Variants in BEST3 observed in about 807,000 individuals in gnomAD.
The protein encoded by BEST3 is bestrophin 3.
In BEST3, 50 loss-of-function variants were observed where a neutral mutation model predicts 47.1. That is an observed-to-expected ratio of 1.06 (90% confidence interval 0.85 to 1.34). The LOEUF (loss-of-function observed/expected upper bound fraction) is 1.34, where lower values mean the gene tolerates loss of function less well. BEST3 is among the 40% of genes most tolerant of loss of function. BEST3 has a pLI of 0.00. For missense variants in BEST3, 765 were observed against 817.0 expected (o/e 0.94, Z 0.78); for synonymous variants, 282 against 298.8 (o/e 0.94, Z 0.58).
At chr12:69,690,276 C>A (rs902278180) in intron 4 of BEST3, among the ~76,000 whole-genome samples, 6 of 152,138 alleles carry the variant, frequency 3.9e-5, no homozygotes, top group Admixed American at 6.5e-5. Flanking sequence ...GGTAGCTGAG[C>A]AGATAGAAGT....
At chr12:69,649,427 T>C (rs1299676346), downstream of BEST3, among the ~76,000 whole-genome samples, 1 of 152,268 alleles carries the variant, frequency 6.6e-6, no homozygotes, top group Non-Finnish European at 1.5e-5. Flanking sequence ...AAATCTGATT[T>C]TTCTGAATTT....
At chr12:69,689,456 A>G (rs1010634814) in intron 4 of BEST3, among the ~76,000 whole-genome samples, 12 of 152,202 alleles carry the variant, frequency 7.9e-5, no homozygotes, top group African/African-American at 2.7e-4. Context: ...CTTATACTGA[A>G]TCAAAACATC....
At chr12:69,647,355 A>G (rs983332589) in intron 9 of BEST3, among the ~76,000 whole-genome samples, 6 of 152,204 alleles carry the variant, frequency 3.9e-5, no homozygotes, top group Non-Finnish European at 7.3e-5. Context: ...CTTTTGTGCA[A>G]ATGAGTGCTA....
chr12:69,674,503 A>G (rs1462867254), intron 7 of BEST3, among the ~76,000 whole-genome samples: 2 of 152,124 alleles, frequency 1.3e-5, no homozygotes, highest in Non-Finnish European at 2.9e-5. Flanking sequence ...CCTCACAGTG[A>G]TATCTATGTT....
intron 9 of BEST3, among the ~76,000 whole-genome samples, chr12:69,644,315 C>T (rs1368212599): frequency 6.6e-6 from 1 of 152,158 alleles, no homozygotes; most frequent in Non-Finnish European, 1.5e-5. Context: ...AGAGCTACTT[C>T]ACAGCTCGTT....
downstream of BEST3, among the ~76,000 whole-genome samples, chr12:69,651,786 G>GAAAAAAAAAAAAA (rs5798944): frequency 1.0e-5 from 1 of 97,150 alleles, no homozygotes; most frequent in Non-Finnish European, 2.5e-5. Flanking sequence ...AAAAAAAAAA[G>GAAAAAAAAAAAAA]AAAAAAAAAA....
chr12:69,673,027 G>T, intron 7 of BEST3, 62 bp from the exon 8 acceptor site: 1 of 1,283,572 alleles, frequency 7.8e-7, no homozygotes, highest in Non-Finnish European at 1.1e-6. Context: ...AATAGAGACT[G>T]AAGATGATTC....
At position 69,655,692 on chromosome 12, in the gene BEST3, G is replaced by T. The variant is rs773110196; in HGVS notation, c.1222C>A (p.Pro408Thr). 3 of 1,613,952 alleles carry T rather than the reference G, an allele frequency of 1.9e-6. No homozygotes were observed. Among genetic ancestry groups the T allele is most frequent in the South Asian group, 1.1e-5 (1 of 91,060 alleles). ...TGCCTCCTGTAGCTTCTTCTTCTGG[G>T]GCTGGAGGGGTGTTCGTGGGCACTC... ...FLSAHEHPSS[P>T]RRRSYRRQTS... Residue 408 changes from proline to threonine, a missense_variant, in exon 10 of 10, where the codon CCC (proline) becomes ACC (threonine). Pro to Thr is a conservative substitution (Grantham distance 38). Transcript: ENST00000330891.
chr12:69,681,794 A>G (rs368857246), intron 4 of BEST3, among the ~76,000 whole-genome samples: 9 of 151,944 alleles, frequency 5.9e-5, no homozygotes, highest in East Asian at 2.0e-4. Context: ...GAAAATACCA[A>G]TGGCAGCAAG....
chr12:69,674,007 T>A (rs1351710206), intron 7 of BEST3, among the ~76,000 whole-genome samples: 1 of 152,224 alleles, frequency 6.6e-6, no homozygotes, highest in Non-Finnish European at 1.5e-5. Flanking sequence ...AACTCATCTA[T>A]CATTTTCCTT....
rs1366761613 is a variant in BEST3, at chr12:69,677,070, T to TGGAACAGAGAGAGACCAGAGTGAG, written c.715-26_715-3dup. 1 of 1,614,098 alleles carries TGGAACAGAGAGAGACCAGAGTGAG rather than the reference T, an allele frequency of 6.2e-7. No individual in the cohort carries two copies. On this transcript the variant is annotated splice_polypyrimidine_tract_variant and splice_region_variant and intron_variant, in intron 6 of 9. Transcript: ENST00000330891. ...GGTATAGACAGCAAGAGTGACAACC[T>TGGAACAGAGAGAGACCAGAGTGAG]GGAACAGAGAGAGACCAGAGTGAGG...
intron 2 of BEST3, among the ~76,000 whole-genome samples, chr12:69,696,863 T>C (rs1254488299): frequency 6.6e-6 from 1 of 152,166 alleles, no homozygotes; most frequent in East Asian, 1.9e-4. Flanking sequence ...TTTAGCTTCC[T>C]CCAGAGAAGA....
intron 4 of BEST3, chr12:69,689,060 C>G (rs970832148): frequency 1.1e-5 from 11 of 984,982 alleles, no homozygotes; most frequent in Non-Finnish European, 1.3e-5. Context: ...GCCCTCAGTG[C>G]TTTACTTACC....
At chr12:69,657,029 G>T (rs935054083) in intron 9 of BEST3, among the ~76,000 whole-genome samples, 26 of 152,158 alleles carry the variant, frequency 1.7e-4, no homozygotes, top group Middle Eastern at 3.4e-3. Context: ...TGATGGATTG[G>T]CTACCAAGAA....
chr12:69,677,535 C>G (rs542992961), intron 5 of BEST3, among the ~76,000 whole-genome samples: 1 of 152,280 alleles, frequency 6.6e-6, no homozygotes, highest in East Asian at 1.9e-4. Context: ...AATCCCAGCA[C>G]TTAGGGAGGC....
chr12:69,694,661 AAACAT>A, intron 2 of BEST3, among the ~76,000 whole-genome samples, 197 bp from the exon 3 acceptor site: 1 of 152,220 alleles, frequency 6.6e-6, no homozygotes, highest in Admixed American at 6.5e-5. Context: ...AACATTTTGT[AAACAT>A]GATTGGCTAT....
intron 4 of BEST3, chr12:69,684,191 T>A: frequency 5.3e-6 from 1 of 186,970 alleles, no homozygotes; most frequent in Non-Finnish European, 1.1e-5. Flanking sequence ...GCCTACAGTT[T>A]CTCTTGCTAT....
intron 4 of BEST3, chr12:69,689,302 T>C (rs113042358): frequency 0.033 from 32,375 of 981,886 alleles, 588 homozygotes; most frequent in South Asian, 0.048. Context: ...GGAAGTTCAG[T>C]GAGTCAGCGC....
At chr12:69,673,820 G>C (rs181010354) in intron 7 of BEST3, among the ~76,000 whole-genome samples, 32 of 48,686 alleles carry the variant, frequency 6.6e-4, no homozygotes, top group Non-Finnish European at 1.2e-3. Context: ...TGGAAATTGA[G>C]GCTTACCTAG....
Sources: allele counts gnomAD v4.1 joint callset (sites outside exome capture counted in the v4.1 genomes callset), GRCh38; gene constraint gnomAD v4.1.1; transcripts MANE v1.5; gene names NCBI Gene and HGNC (gene_info 2026-07-23, HGNC 2026-07-21).